STXBP5: variants seen among roughly 807,000 people sequenced by gnomAD.
STXBP5 encodes syntaxin binding protein 5.
In STXBP5, 50 loss-of-function variants were observed where a neutral mutation model predicts 152.4. That is an observed-to-expected ratio of 0.33 (90% confidence interval 0.26 to 0.42). STXBP5 has a LOEUF of 0.42. Among genes scored for constraint, STXBP5 ranks in the 10% least tolerant of loss-of-function variants. The pLI is 1.00. For synonymous variants in STXBP5, 492 were observed against 494.7 expected (o/e 0.99, Z 0.07); for missense variants, 1,167 against 1,388.6 (o/e 0.84, Z 2.54).
At chr6:147,333,691 G>C (rs1783693526) in intron 18 of STXBP5, among the ~76,000 whole-genome samples, 1 of 152,168 alleles carries the variant, frequency 6.6e-6, no homozygotes, top group South Asian at 2.1e-4. Flanking sequence ...TTGGAAATGT[G>C]ACATCATGTC....
intron 21 of STXBP5, among the ~76,000 whole-genome samples, chr6:147,350,652 T>G (rs974201102): frequency 6.6e-6 from 1 of 152,170 alleles, no homozygotes. Flanking sequence ...TTTTAGTTTC[T>G]TAGAATTTTG....
intron 21 of STXBP5, among the ~76,000 whole-genome samples, chr6:147,344,803 T>C (rs565888144): frequency 1.3e-5 from 2 of 151,662 alleles, no homozygotes; most frequent in African/African-American, 2.4e-5. Context: ...TCCGTAACAC[T>C]GTGTTAGGTT....
At chr6:147,298,882 A>T (rs1781665360) in intron 9 of STXBP5, among the ~76,000 whole-genome samples, 1 of 152,052 alleles carries the variant, frequency 6.6e-6, no homozygotes, top group Non-Finnish European at 1.5e-5. Context: ...AAAGCACAAT[A>T]ATCTCAAATA....
At position 147,239,289 on chromosome 6, in the gene STXBP5, A is replaced by G. The variant is rs773367754; in HGVS notation, c.431+19A>G. 6 of 1,591,922 alleles carry G rather than the reference A, an allele frequency of 3.8e-6. No homozygotes were observed. The highest frequency in any genetic ancestry group is 5.2e-6 in the Non-Finnish European group (6 of 1,160,838). ...GAGAAAGGTAAGAATTCTCCCAGTT[A>G]TCTTATGTATAGGATATTTACTATT... On this transcript the variant is annotated intron_variant, in intron 4 of 27. Coordinates refer to ENST00000321680, the MANE Select transcript of STXBP5 (RefSeq NM_001127715.4).
At chr6:147,356,604 A>G (rs1393580718) in intron 22 of STXBP5, among the ~76,000 whole-genome samples, 7 of 152,022 alleles carry the variant, frequency 4.6e-5, no homozygotes, top group Admixed American at 2.6e-4. Flanking sequence ...ACATTTTTAG[A>G]AACTACAGTT....
chr6:147,366,919 G>A lies in STXBP5; in HGVS notation c.3081+2753G>A, dbSNP rs147823655. On this transcript the variant is annotated intron_variant, in intron 25 of 27. Coordinates refer to ENST00000321680, the MANE Select transcript of STXBP5 (RefSeq NM_001127715.4). ...TAAAAACTATTTAGCACCCAGTGAG[G>A]TAAAAATCGCAATGTCTGGTGTCCA... Among the ~76,000 whole-genome samples the A allele has an allele frequency of 1.5e-3, 222 of 152,286 alleles. 1 individual carries two copies. The highest frequency in any genetic ancestry group is 5.1e-3 in the African/African-American group (211 of 41,564).
intron 8 of STXBP5, among the ~76,000 whole-genome samples, chr6:147,286,244 C>T (rs17076686): frequency 0.04 from 6,097 of 152,152 alleles, 306 homozygotes; most frequent in East Asian, 0.15. Flanking sequence ...TTCTTGGTTC[C>T]TGTAAATTGG....
At chr6:147,333,235 T>C (rs1234654215) in intron 18 of STXBP5, among the ~76,000 whole-genome samples, 5 of 152,056 alleles carry the variant, frequency 3.3e-5, no homozygotes, top group African/African-American at 1.2e-4. Flanking sequence ...AACTACTAAT[T>C]CTCAGGCTGG....
intron 21 of STXBP5, among the ~76,000 whole-genome samples, chr6:147,345,466 G>A (rs1306771612): frequency 1.3e-5 from 2 of 152,074 alleles, no homozygotes; most frequent in Admixed American, 1.3e-4. Context: ...TATCTCAGTT[G>A]TTTTATTTAA....
At chr6:147,355,715 T>C (rs1269387499) in intron 22 of STXBP5, among the ~76,000 whole-genome samples, 2 of 152,190 alleles carry the variant, frequency 1.3e-5, no homozygotes, top group Non-Finnish European at 2.9e-5. Flanking sequence ...GTGATGATAC[T>C]ACTTTTCAAG....
At chr6:147,214,299 AGTTG>A (rs1197351846) in intron 2 of STXBP5, among the ~76,000 whole-genome samples, 11 of 152,298 alleles carry the variant, frequency 7.2e-5, no homozygotes, top group African/African-American at 2.4e-4. Context: ...TAGCAATTCT[AGTTG>A]GTTGGTTTAA....
chr6:147,359,124 T>C lies in STXBP5; in HGVS notation c.2346T>C (p.Ser782=), dbSNP rs1784944326. 2.5e-6 allele frequency: 4 copies of C among 1,613,848 alleles called. No homozygotes were observed. Among genetic ancestry groups the C allele is most frequent in the Non-Finnish European group, 3.4e-6 (4 of 1,179,912 alleles). The part of the protein sequence containing the change: ...DNSFSRSRSS[S]VTSIDKESRE... The stretch of plus-strand genomic sequence containing the variant: ...CCTTTAGCCGATCACGGAGTTCAAG[T>C]GTAACAAGCATTGACAAAGAATCCC... The change falls in exon 23 of 28, where the codon AGT becomes AGC. Residue 782 remains serine, a synonymous_variant. Transcript: ENST00000321680.
chr6:147,317,232 C>T (rs1772360527), intron 16 of STXBP5, among the ~76,000 whole-genome samples: 1 of 152,138 alleles, frequency 6.6e-6, no homozygotes, highest in South Asian at 2.1e-4. Flanking sequence ...TTACTTTAAT[C>T]TGCTTGAGTC....
At chr6:147,306,926 T>G (rs1003353064) in intron 9 of STXBP5, among the ~76,000 whole-genome samples, 16 of 152,226 alleles carry the variant, frequency 1.1e-4, no homozygotes, top group Non-Finnish European at 2.9e-5. Context: ...CAGTGTGTTG[T>G]CTGCGTAGAC....
intron 25 of STXBP5, among the ~76,000 whole-genome samples, chr6:147,372,440 T>C (rs916855228): frequency 1.6e-5 from 1 of 60,804 alleles, no homozygotes. Flanking sequence ...TTTTTTTTTT[T>C]TTTTTTTTTT....
At chr6:147,266,099 G>C (rs1164293282) in intron 6 of STXBP5, among the ~76,000 whole-genome samples, 1 of 152,010 alleles carries the variant, frequency 6.6e-6, no homozygotes, top group African/African-American at 2.4e-5. Context: ...ATGTACAAAG[G>C]TTCAAAGGTA....
Position 147,207,224 on chromosome 6 carries a change from A to G in STXBP5, c.248+1156A>G, listed in dbSNP as rs540661651. 1.5e-3 allele frequency among the ~76,000 whole-genome samples: 233 copies of G among 152,274 alleles called. 1 individual carries two copies. The highest frequency in any genetic ancestry group is 5.5e-3 in the African/African-American group (227 of 41,556). On this transcript the variant is annotated intron_variant, in intron 2 of 27. Coordinates refer to ENST00000321680, the MANE Select transcript of STXBP5 (RefSeq NM_001127715.4). ...CTATGTGATACATACAAATATATAT[A>G]TATGTATAGATAGATAGATAGATAA...
intron 8 of STXBP5, among the ~76,000 whole-genome samples, chr6:147,283,865 C>T (rs117234797): frequency 0.024 from 3,601 of 152,256 alleles, 49 homozygotes; most frequent in Non-Finnish European, 0.039. Flanking sequence ...CAACCCTCCT[C>T]CCCATTGCAG....
At chr6:147,381,818 C>T (rs1249926630) in intron 26 of STXBP5, among the ~76,000 whole-genome samples, 3 of 152,034 alleles carry the variant, frequency 2.0e-5, no homozygotes, top group Non-Finnish European at 4.4e-5. Flanking sequence ...AAATGAAATA[C>T]TCAGAATAGG....
Sources: allele counts gnomAD v4.1 joint callset (sites outside exome capture counted in the v4.1 genomes callset), GRCh38; gene constraint gnomAD v4.1.1; transcripts MANE v1.5; gene names NCBI Gene and HGNC (gene_info 2026-07-23, HGNC 2026-07-21).